The following PTPRD variants were observed in gnomAD, a reference collection of about 807,000 sequenced individuals.
The protein encoded by PTPRD is protein tyrosine phosphatase receptor type D, also known as receptor-type tyrosine-protein phosphatase delta.
In PTPRD, 34 loss-of-function variants were observed where a neutral mutation model predicts 214.5. The ratio of observed to expected loss-of-function variants is 0.16; its 90% CI spans 0.12 to 0.21. The LOEUF (loss-of-function observed/expected upper bound fraction) is 0.21. Ranked by LOEUF, PTPRD falls within the 10% of genes least tolerant of loss-of-function variation. PTPRD has a pLI of 1.00. For missense variants in PTPRD, 2,545 were observed against 2,398.7 expected (o/e 1.06, Z -1.27); for synonymous variants, 1,128 against 845.7 (o/e 1.33, Z -5.79).
intron 2 of PTPRD, among the ~76,000 whole-genome samples, chr9:10,346,557 A>G (rs2097087325): frequency 1.3e-5 from 2 of 152,374 alleles, no homozygotes; most frequent in South Asian, 4.1e-4. Context: ...GTGATATTAG[A>G]ATTCCAGAAA....
chr9:8,823,538 C>T (rs898294991), intron 11 of PTPRD, among the ~76,000 whole-genome samples: 1 of 152,098 alleles, frequency 6.6e-6, no homozygotes, highest in African/African-American at 2.4e-5. Flanking sequence ...TAAGTCCCAG[C>T]AGCTCGAGAG....
chr9:8,766,899 T>A (rs547024309), intron 11 of PTPRD, among the ~76,000 whole-genome samples: 6 of 152,294 alleles, frequency 3.9e-5, no homozygotes, highest in Admixed American at 2.0e-4. Flanking sequence ...TAGCCGATGG[T>A]GAAATTGGCT....
chr9:9,624,807 C>G (rs527617960), intron 7 of PTPRD, among the ~76,000 whole-genome samples: 1 of 139,648 alleles, frequency 7.2e-6, no homozygotes, highest in Admixed American at 7.3e-5. Context: ...TAAGTTGTTA[C>G]AAATAAACTG....
At chr9:9,191,921 T>A (rs919040246) in intron 9 of PTPRD, among the ~76,000 whole-genome samples, 1 of 152,094 alleles carries the variant, frequency 6.6e-6, no homozygotes, top group Non-Finnish European at 1.5e-5. Flanking sequence ...GAAAATTTGA[T>A]TTGCCCATTA....
chr9:9,658,184 C>A (rs947640117), intron 7 of PTPRD, among the ~76,000 whole-genome samples: 4 of 151,830 alleles, frequency 2.6e-5, no homozygotes, highest in African/African-American at 7.3e-5. Context: ...TTGATATAAT[C>A]AAAAGTCAGA....
intron 2 of PTPRD, among the ~76,000 whole-genome samples, chr9:10,439,388 G>T (rs1012453736): frequency 6.6e-6 from 1 of 151,680 alleles, no homozygotes; most frequent in East Asian, 1.9e-4. Flanking sequence ...CCTACATCTG[G>T]ATTACTTCTA....
chr9:9,048,546 C>G (rs1019974745), intron 10 of PTPRD, among the ~76,000 whole-genome samples: 5 of 151,996 alleles, frequency 3.3e-5, no homozygotes, highest in African/African-American at 1.2e-4. Context: ...ATGAAATAAG[C>G]CAGACACAGA....
At chr9:8,655,626 A>G (rs2096893675) in intron 12 of PTPRD, among the ~76,000 whole-genome samples, 1 of 152,144 alleles carries the variant, frequency 6.6e-6, no homozygotes, top group Non-Finnish European at 1.5e-5. Context: ...TAATGAACAA[A>G]TATATTTCAA....
chr9:8,821,651 C>T (rs1353299232), intron 11 of PTPRD, among the ~76,000 whole-genome samples: 1 of 152,158 alleles, frequency 6.6e-6, no homozygotes, highest in Non-Finnish European at 1.5e-5. Flanking sequence ...GTAGAAATAA[C>T]AACATCCATC....
At chr9:10,387,637 C>A (rs192445588) in intron 2 of PTPRD, among the ~76,000 whole-genome samples, 1 of 151,630 alleles carries the variant, frequency 6.6e-6, no homozygotes, top group African/African-American at 2.4e-5. Flanking sequence ...ATTACTTAAA[C>A]CATACTTTGT....
chr9:9,914,850 G>T (rs1027061133), intron 5 of PTPRD, among the ~76,000 whole-genome samples: 1 of 152,096 alleles, frequency 6.6e-6, no homozygotes, highest in African/African-American at 2.4e-5. Context: ...CTGCTTCTAT[G>T]TCATGGGCCT....
chr9:9,450,716 A>G (rs2091901058), intron 8 of PTPRD, among the ~76,000 whole-genome samples: 1 of 150,090 alleles, frequency 6.7e-6, no homozygotes, highest in Non-Finnish European at 1.5e-5. Context: ...CTGTATGAAG[A>G]AAAATTAAAT....
At chr9:9,307,565 CT>C (rs1265200532) in intron 9 of PTPRD, among the ~76,000 whole-genome samples, 1 of 152,094 alleles carries the variant, frequency 6.6e-6, no homozygotes, top group Non-Finnish European at 1.5e-5. Context: ...ATGTCTTTGC[CT>C]TTTTTCCATT....
At chr9:8,455,027 A>G (rs1252546252) in intron 33 of PTPRD, among the ~76,000 whole-genome samples, 2 of 152,230 alleles carry the variant, frequency 1.3e-5, no homozygotes, top group Non-Finnish European at 2.9e-5. Flanking sequence ...TTTAAAATAA[A>G]AAGCCTTCAA....
At chr9:8,762,098 G>A (rs1263244384) in intron 11 of PTPRD, among the ~76,000 whole-genome samples, 1 of 152,050 alleles carries the variant, frequency 6.6e-6, no homozygotes, top group Non-Finnish European at 1.5e-5. Context: ...GCAGTTTAGG[G>A]GATGTGTGTG....
At chr9:8,377,969 A>G (rs578218117) in intron 37 of PTPRD, among the ~76,000 whole-genome samples, 1 of 152,240 alleles carries the variant, frequency 6.6e-6, no homozygotes, top group Non-Finnish European at 1.5e-5. Context: ...GAGAAGTTTT[A>G]TCCTGTACAG....
intron 4 of PTPRD, among the ~76,000 whole-genome samples, chr9:9,967,981 G>C (rs941687154): frequency 1.3e-5 from 2 of 152,074 alleles, no homozygotes; most frequent in Non-Finnish European, 2.9e-5. Flanking sequence ...ATCCACATTA[G>C]AGAAGCTTTT....
intron 7 of PTPRD, among the ~76,000 whole-genome samples, chr9:9,680,734 C>G (rs2097050317): frequency 6.6e-6 from 1 of 151,406 alleles, no homozygotes; most frequent in African/African-American, 2.4e-5. Flanking sequence ...GATGCAACTT[C>G]ATAACTATTT....
At chr9:9,445,241 C>T (rs2089976277) in intron 8 of PTPRD, among the ~76,000 whole-genome samples, 1 of 152,164 alleles carries the variant, frequency 6.6e-6, no homozygotes, top group African/African-American at 2.4e-5. Flanking sequence ...GCAATCATGC[C>T]TCTTACCTAC....
Sources: allele counts gnomAD v4.1 joint callset (sites outside exome capture counted in the v4.1 genomes callset), GRCh38; gene constraint gnomAD v4.1.1; transcripts MANE v1.5; gene names NCBI Gene and HGNC (gene_info 2026-07-23, HGNC 2026-07-21).